Variants in FSTL5 observed in about 807,000 individuals in gnomAD.
FSTL5 encodes the protein follistatin-related protein 5.
FSTL5 carries 62 observed loss-of-function variants against 89.1 expected under a neutral mutation model. That is an observed-to-expected ratio of 0.70 (90% CI 0.57 to 0.86). The LOEUF (loss-of-function observed/expected upper bound fraction) is 0.86. Among genes scored for constraint, FSTL5 ranks in the 40% least tolerant of loss-of-function variants. The pLI is 0.00. For synonymous variants in FSTL5, 383 were observed against 346.2 expected (o/e 1.11, Z -1.18); for missense variants, 1,057 against 1,001.6 (o/e 1.06, Z -0.75).
intron 15 of FSTL5, 100 bp from the exon 16 acceptor site, chr4:161,386,549 T>C (rs1037413094): frequency 3.3e-5 from 25 of 754,768 alleles, no homozygotes; most frequent in Admixed American, 5.8e-5. Context: ...CAGGCTCTAA[T>C]TGTCAGGCGA....
chr4:161,947,129 G>GGTGT (rs1022339671), intron 3 of FSTL5, among the ~76,000 whole-genome samples: 3 of 133,400 alleles, frequency 2.2e-5, no homozygotes, highest in East Asian at 2.1e-4. Context: ...ATATTTGTGG[G>GGTGT]GTGTGTGTGT....
rs538357359 is a variant in FSTL5, at chr4:161,881,378, G to T, written c.409+39026C>A. ...AACTTCAGGACTTGAGGATGCAAGG[G>T]TATTTGGGAAATATTCCTTAGAGTT... On this transcript the variant is annotated intron_variant, in intron 4 of 15. Coordinates refer to ENST00000306100, the MANE Select transcript of FSTL5 (RefSeq NM_020116.5). Among the ~76,000 whole-genome samples the T allele has an allele frequency of 1.3e-4, 19 of 151,826 alleles. No individual in the cohort carries two copies. In the South Asian group the frequency reaches 3.3e-3, roughly 27 times the overall value.
At chr4:162,140,769 C>CA (rs1732697798) in intron 1 of FSTL5, among the ~76,000 whole-genome samples, 1 of 152,088 alleles carries the variant, frequency 6.6e-6, no homozygotes, top group African/African-American at 2.4e-5. Context: ...GGTGATAAAA[C>CA]AATATACAGG....
chr4:161,914,506 T>C (rs1222754617), intron 4 of FSTL5, among the ~76,000 whole-genome samples: 2 of 152,170 alleles, frequency 1.3e-5, no homozygotes, highest in Non-Finnish European at 2.9e-5. Flanking sequence ...ATAGATATTC[T>C]ATTTGTCATA....
intron 13 of FSTL5, among the ~76,000 whole-genome samples, chr4:161,475,354 CTCTT>C (rs1734100505): frequency 6.6e-6 from 1 of 152,130 alleles, no homozygotes; most frequent in African/African-American, 2.4e-5. Context: ...ATTTCTCTCT[CTCTT>C]CTCCTTCTGG....
At chr4:162,080,047 G>C (rs963725233) in intron 2 of FSTL5, among the ~76,000 whole-genome samples, 2 of 151,410 alleles carry the variant, frequency 1.3e-5, no homozygotes, top group African/African-American at 4.8e-5. Context: ...ATCAGGAAAA[G>C]TGTATCCACC....
chr4:161,477,042 G>A (rs902681067), intron 13 of FSTL5, among the ~76,000 whole-genome samples: 1 of 152,068 alleles, frequency 6.6e-6, no homozygotes, highest in African/African-American at 2.4e-5. Flanking sequence ...GATTCCTGAA[G>A]TAAACAATTT....
At chr4:161,824,964 T>C (rs1225460650) in intron 4 of FSTL5, among the ~76,000 whole-genome samples, 1 of 152,190 alleles carries the variant, frequency 6.6e-6, no homozygotes, top group Non-Finnish European at 1.5e-5. Flanking sequence ...CATTCTTGTC[T>C]GGTTCAAATT....
chr4:161,674,422 G>C (rs981865036), intron 6 of FSTL5, among the ~76,000 whole-genome samples: 2 of 152,076 alleles, frequency 1.3e-5, no homozygotes, highest in African/African-American at 4.8e-5. Context: ...ATCACCCATT[G>C]GTTTCTTTTC....
At chr4:162,105,436 C>A (rs1731186415) in intron 2 of FSTL5, among the ~76,000 whole-genome samples, 1 of 152,076 alleles carries the variant, frequency 6.6e-6, no homozygotes, top group South Asian at 2.1e-4. Flanking sequence ...TTTTTAGATT[C>A]ATTTTTCCCA....
chr4:162,049,943 T>A (rs888994782), intron 2 of FSTL5, among the ~76,000 whole-genome samples: 1 of 151,954 alleles, frequency 6.6e-6, no homozygotes, highest in East Asian at 1.9e-4. Context: ...AGGAGTTAAA[T>A]AGCAGGATAA....
intron 8 of FSTL5, among the ~76,000 whole-genome samples, chr4:161,547,765 G>T (rs867927397): frequency 1.3e-5 from 2 of 151,764 alleles, no homozygotes; most frequent in African/African-American, 2.4e-5. Context: ...TATGATAAGG[G>T]TTATCTTAAG....
At chr4:161,894,819 A>C (rs993349729) in intron 4 of FSTL5, among the ~76,000 whole-genome samples, 2 of 152,214 alleles carry the variant, frequency 1.3e-5, no homozygotes, top group African/African-American at 2.4e-5. Flanking sequence ...ATGCATATTT[A>C]TACCAGATCC....
intron 2 of FSTL5, chr4:162,041,709 A>G (rs1737966019): frequency 6.6e-6 from 1 of 152,122 alleles, no homozygotes; most frequent in Non-Finnish European, 1.5e-5. Context: ...TATTGCCCCA[A>G]ATTATAAAGA....
At chr4:161,890,612 CGG>C (rs1356933631) in intron 4 of FSTL5, among the ~76,000 whole-genome samples, 1 of 149,196 alleles carries the variant, frequency 6.7e-6, no homozygotes, top group African/African-American at 2.5e-5. Flanking sequence ...CGCTTGAACC[CGG>C]GTGGTGGAGG....
intron 3 of FSTL5, among the ~76,000 whole-genome samples, chr4:162,028,455 T>C (rs145674297): frequency 1.3e-5 from 2 of 152,260 alleles, no homozygotes; most frequent in Admixed American, 6.5e-5. Context: ...CACGCATTTG[T>C]AATCCCAGCT....
intron 15 of FSTL5, among the ~76,000 whole-genome samples, chr4:161,426,272 C>T (rs759678267): frequency 6.6e-6 from 1 of 152,072 alleles, no homozygotes; most frequent in African/African-American, 2.4e-5. Flanking sequence ...TAATACCTAA[C>T]CTCTAGAATC....
intron 3 of FSTL5, among the ~76,000 whole-genome samples, chr4:161,976,004 G>C (rs970127616): frequency 6.7e-6 from 1 of 150,330 alleles, no homozygotes; most frequent in African/African-American, 2.4e-5. Flanking sequence ...TGTAGTCCCA[G>C]CTACTCGGGA....
At chr4:161,427,230 C>T (rs896818969) in intron 15 of FSTL5, among the ~76,000 whole-genome samples, 1 of 152,180 alleles carries the variant, frequency 6.6e-6, no homozygotes, top group Non-Finnish European at 1.5e-5. Flanking sequence ...TGAATGTTAA[C>T]TTCTGTAGCA....
Sources: gnomAD v4.1 joint callset for allele counts (sites outside exome capture counted in the v4.1 genomes callset) on GRCh38, gnomAD v4.1.1 for gene constraint, MANE v1.5 for transcripts, NCBI Gene and HGNC (gene_info 2026-07-23, HGNC 2026-07-21) for gene names.